The following NCOA3 variants were observed in gnomAD, a reference collection of about 807,000 sequenced individuals.
NCOA3 encodes the protein nuclear receptor coactivator 3, also known as CBP-interacting protein.
In NCOA3, 51 loss-of-function variants were observed where a neutral mutation model predicts 158.8. That is an observed-to-expected ratio of 0.32 (90% confidence interval 0.26 to 0.41). The LOEUF (loss-of-function observed/expected upper bound fraction) is 0.41, where lower values mean the gene tolerates loss of function less well. Ranked by LOEUF, NCOA3 falls within the 10% of genes least tolerant of loss-of-function variation. The pLI is 1.00. For synonymous variants in NCOA3, 537 were observed against 592.4 expected (o/e 0.91, Z 1.36); for missense variants, 1,510 against 1,746.6 (o/e 0.86, Z 2.41).
chr20:47,546,785 C>T (rs2084837019), intron 1 of NCOA3, among the ~76,000 whole-genome samples: 1 of 152,116 alleles, frequency 6.6e-6, no homozygotes, highest in Admixed American at 6.6e-5. Flanking sequence ...CCCGCCCTGG[C>T]CTCCCAAAGT....
chr20:47,503,059 A>C, intron 1 of NCOA3, among the ~76,000 whole-genome samples: 1 of 152,186 alleles, frequency 6.6e-6, no homozygotes, highest in East Asian at 1.9e-4. Context: ...CTGTACGGTA[A>C]AGAAACAGGA....
intron 2 of NCOA3, among the ~76,000 whole-genome samples, chr20:47,593,768 G>A (rs1212343726): frequency 6.6e-6 from 1 of 152,114 alleles, no homozygotes; most frequent in Non-Finnish European, 1.5e-5. Context: ...ATTATCAAGT[G>A]CCTTTATATA....
At chr20:47,503,451 A>G (rs2083975676) in intron 1 of NCOA3, among the ~76,000 whole-genome samples, 1 of 152,216 alleles carries the variant, frequency 6.6e-6, no homozygotes. Flanking sequence ...TTTCACGCCA[A>G]ACCCTACAGT....
chr20:47,511,556 T>TATATACACACACACATACACATA (rs1569310943), intron 1 of NCOA3, among the ~76,000 whole-genome samples: 3 of 30,198 alleles, frequency 9.9e-5, no homozygotes, highest in Non-Finnish European at 1.0e-4. Flanking sequence ...TATATATATA[T>TATATACACACACACATACACATA]TTCTTTTTTT....
At chr20:47,514,738 A>G (rs1294593055) in intron 1 of NCOA3, among the ~76,000 whole-genome samples, 1 of 120,456 alleles carries the variant, frequency 8.3e-6, no homozygotes, top group African/African-American at 3.3e-5. Flanking sequence ...TTTTTTTGAG[A>G]CAGAGTCTTG....
chr20:47,520,061 C>CAA lies in NCOA3; in HGVS notation c.-99+18070_-99+18071dup, dbSNP rs35406814. On this transcript the variant is annotated intron_variant, in intron 1 of 22. Coordinates refer to ENST00000371998, the MANE Select transcript of NCOA3 (RefSeq NM_181659.3). ...ACAGGTGTGAGCAACTGTGCCTGGC[C>CAA]AAAAAAAAAAAAAAAAAAAAAAAAA... Among the ~76,000 whole-genome samples, 261 of 32,878 alleles carry CAA rather than the reference C, an allele frequency of 7.9e-3. 17 individuals carry two copies. Among genetic ancestry groups the CAA allele is most frequent in the Non-Finnish European group, 8.5e-3 (163 of 19,166 alleles). 21.6% of individuals were successfully genotyped at this position (32,878 alleles called of 152,430 possible).
intron 1 of NCOA3, among the ~76,000 whole-genome samples, chr20:47,579,362 A>T (rs1034798832): frequency 6.6e-6 from 1 of 152,202 alleles, no homozygotes; most frequent in Non-Finnish European, 1.5e-5. Flanking sequence ...TCAGATGTCT[A>T]ATGTTTCTGG....
intron 1 of NCOA3, among the ~76,000 whole-genome samples, chr20:47,515,211 G>C (rs915480916): frequency 6.7e-6 from 1 of 149,718 alleles, no homozygotes; most frequent in South Asian, 2.1e-4. Context: ...TTGCCCACCT[G>C]GAGTGCAGTG....
chr20:47,597,623 G>A (rs967114229), intron 2 of NCOA3, among the ~76,000 whole-genome samples: 2 of 151,586 alleles, frequency 1.3e-5, no homozygotes, highest in Non-Finnish European at 2.9e-5. Flanking sequence ...CGAGTAGCTG[G>A]GATTACAGGT....
chr20:47,611,413 T>G (rs984423019), intron 2 of NCOA3, among the ~76,000 whole-genome samples: 4 of 152,192 alleles, frequency 2.6e-5, no homozygotes, highest in African/African-American at 9.6e-5. Context: ...GTATAAGTAC[T>G]ACTTTTGATG....
At chr20:47,614,372 C>T (rs1470670967) in intron 2 of NCOA3, among the ~76,000 whole-genome samples, 2 of 152,160 alleles carry the variant, frequency 1.3e-5, no homozygotes, top group Admixed American at 6.5e-5. Flanking sequence ...TCTCATTCTT[C>T]CCAAGAACTT....
chr20:47,515,577 T>G (rs1424023665), intron 1 of NCOA3, among the ~76,000 whole-genome samples: 1 of 151,320 alleles, frequency 6.6e-6, no homozygotes, highest in Non-Finnish European at 1.5e-5. Flanking sequence ...GTCTGCCTTC[T>G]GGGTTTAAGC....
rs1237780154 is a variant in NCOA3 at position 47,637,707 on chromosome 20, T to C, written c.2436T>C (p.Phe812=). ...TTGGTGATCTGACTAGTTCTGACTT[T>C]TACAATAATTCCATATCCTCAAATG... is the stretch of plus-strand genomic sequence containing the variant. ...AILGDLTSSD[F]YNNSISSNGS... Residue 812 remains phenylalanine, a synonymous_variant, in exon 13 of 23, where the codon TTT becomes TTC. Transcript: ENST00000371998. 2.5e-6 allele frequency: 4 copies of C among 1,612,408 alleles called. No homozygotes were observed. The Admixed American group carries it at 5.0e-5, about 20-fold the overall frequency.
Position 47,523,445 on chromosome 20 carries a change from C to G in NCOA3, c.-99+21426C>G, listed in dbSNP as rs201037430. 7.9e-5 allele frequency among the ~76,000 whole-genome samples: 12 copies of G among 152,006 alleles called. 1 individual carries two copies. The East Asian group carries it at 1.7e-3, about 22-fold the overall frequency. On this transcript the variant is annotated intron_variant, in intron 1 of 22. Transcript: ENST00000371998. ...CATTTGGAGTTTGATTGCTTCTAGG[C>G]GAGAAGAAATATTTCGAGTGATAGT...
At chr20:47,546,004 T>A (rs144615048) in intron 1 of NCOA3, among the ~76,000 whole-genome samples, 15 of 152,264 alleles carry the variant, frequency 9.9e-5, no homozygotes, top group African/African-American at 3.6e-4. Context: ...CATGAGCCAC[T>A]GTGCCAGGCC....
chr20:47,537,002 G>C (rs1211295298), intron 1 of NCOA3, among the ~76,000 whole-genome samples: 2 of 151,282 alleles, frequency 1.3e-5, no homozygotes, highest in Non-Finnish European at 2.9e-5. Flanking sequence ...GTAGAGACGG[G>C]GTTTCACCAT....
chr20:47,539,679 AT>A (rs1168256128), intron 1 of NCOA3, among the ~76,000 whole-genome samples: 8 of 152,162 alleles, frequency 5.3e-5, no homozygotes, highest in African/African-American at 1.9e-4. Context: ...CTATTACCAA[AT>A]TTCATCAAGT....
chr20:47,654,172 G>C lies in NCOA3; in HGVS notation c.*755G>C, dbSNP rs2086839006. Reference sequence around the variant, plus strand: ...GAATGGATAAATGCAATATTCTTGAGGTCTTGAGGGAATAGTGAAACACAT... The same window carrying C: ...GAATGGATAAATGCAATATTCTTGACGTCTTGAGGGAATAGTGAAACACAT... On this transcript the variant is annotated 3_prime_UTR_variant, in exon 23 of 23. Transcript: ENST00000371998. The C allele has an allele frequency of 6.6e-6, 1 of 152,472 alleles. No individual in the cohort carries two copies. The highest frequency in any genetic ancestry group is 6.5e-5 in the Admixed American group (1 of 15,276). 9.4% of individuals were successfully genotyped at this position (152,472 alleles called of 1,614,324 possible).
At chr20:47,600,153 A>G (rs1028720339) in intron 2 of NCOA3, among the ~76,000 whole-genome samples, 20 of 127,364 alleles carry the variant, frequency 1.6e-4, no homozygotes, top group East Asian at 6.7e-4. Context: ...TGTATTTTAT[A>G]TATTTTATAT....
Sources: allele counts gnomAD v4.1 joint callset (sites outside exome capture counted in the v4.1 genomes callset), GRCh38; gene constraint gnomAD v4.1.1; transcripts MANE v1.5; gene names NCBI Gene and HGNC (gene_info 2026-07-23, HGNC 2026-07-21).